Variants in XRCC5 observed in about 807,000 individuals in gnomAD.
XRCC5 encodes the protein DNA repair protein Ku80.
A neutral mutation model predicts 95.7 loss-of-function variants in XRCC5; 12 were observed. The ratio of observed to expected loss-of-function variants is 0.13; its 90% CI spans 0.08 to 0.20. The LOEUF (loss-of-function observed/expected upper bound fraction) is 0.20, where lower values mean the gene tolerates loss of function less well. Among genes scored for constraint, XRCC5 ranks in the 10% least tolerant of loss-of-function variants. The probability of loss-of-function intolerance (pLI) is 1.00; values close to 1 mark genes in which losing one functional copy is unlikely to be tolerated. For missense variants in XRCC5, 595 were observed against 873.9 expected, an observed-to-expected ratio of 0.68 and a Z score of 4.02; for synonymous variants, 281 against 290.3, an observed-to-expected ratio of 0.97 and a Z score of 0.33.
chr2:216,199,810 CTTTTTTTTT>C (rs375975027), intron 19 of XRCC5, among the ~76,000 whole-genome samples: 4 of 120,274 alleles, frequency 3.3e-5, no homozygotes, highest in African/African-American at 9.4e-5. Context: ...GCATTGGGAT[CTTTTTTTTT>C]TTTTTTTTTT....
At chr2:216,130,821 T>C (rs899499973) in intron 8 of XRCC5, 54 bp from the exon 9 acceptor site, 58 of 1,231,378 alleles carry the variant, frequency 4.7e-5, no homozygotes, top group Non-Finnish European at 6.2e-5. Context: ...TAATTTCAGC[T>C]TGTAGAAAAT....
intron 16 of XRCC5, among the ~76,000 whole-genome samples, chr2:216,162,742 T>C (rs564933650): frequency 1.3e-5 from 2 of 152,294 alleles, no homozygotes; most frequent in South Asian, 4.1e-4. Context: ...TCCTAAGAGT[T>C]TGTGGCCCAT....
chr2:216,194,173 A>G (rs545186015), intron 18 of XRCC5, among the ~76,000 whole-genome samples: 3 of 152,378 alleles, frequency 2.0e-5, no homozygotes, highest in East Asian at 3.9e-4. Flanking sequence ...CTTAACGTCC[A>G]TAGGTTCTTG....
At chr2:216,118,868 G>A (rs1696750299) in intron 4 of XRCC5, among the ~76,000 whole-genome samples, 175 bp from the exon 5 acceptor site, 1 of 152,166 alleles carries the variant, frequency 6.6e-6, no homozygotes, top group African/African-American at 2.4e-5. Flanking sequence ...AGTATAAAGT[G>A]TATCAGGGTT....
chr2:216,187,831 T>A (rs1239187502), intron 16 of XRCC5, among the ~76,000 whole-genome samples: 5,557 of 103,522 alleles, frequency 0.054, 165 homozygotes, highest in South Asian at 0.13. Flanking sequence ...ACTCTCTCTC[T>A]CTCTCTCTCT....
At chr2:216,180,980 A>G (rs1279263880) in intron 16 of XRCC5, among the ~76,000 whole-genome samples, 1 of 151,492 alleles carries the variant, frequency 6.6e-6, no homozygotes, top group Non-Finnish European at 1.5e-5. Context: ...CACCCAGCTA[A>G]TTTTGTATTT....
At chr2:216,157,077 A>G (rs1035242907) in intron 14 of XRCC5, among the ~76,000 whole-genome samples, 1 of 152,254 alleles carries the variant, frequency 6.6e-6, no homozygotes, top group African/African-American at 2.4e-5. Flanking sequence ...GACTGAGGAC[A>G]GACAGCACGC....
intron 1 of XRCC5, chr2:216,111,440 C>G (rs1292074600): frequency 6.7e-6 from 3 of 447,422 alleles, no homozygotes; most frequent in African/African-American, 6.1e-5. Context: ...AGCGGGATCA[C>G]TTGAGCCCGG....
intron 20 of XRCC5, 119 bp from the exon 21 acceptor site, chr2:216,205,069 G>T: frequency 2.6e-6 from 3 of 1,176,380 alleles, no homozygotes; most frequent in South Asian, 2.5e-5. Flanking sequence ...GTGAATAAAT[G>T]AGCAAGTACA....
At chr2:216,191,737 G>A (rs1222125251) in intron 17 of XRCC5, among the ~76,000 whole-genome samples, 1 of 152,120 alleles carries the variant, frequency 6.6e-6, no homozygotes, top group Non-Finnish European at 1.5e-5. Context: ...ACTGTAAAAA[G>A]ATTAAGTTTT....
chr2:216,145,262 A>G (rs1266733695), intron 13 of XRCC5, among the ~76,000 whole-genome samples: 1 of 152,214 alleles, frequency 6.6e-6, no homozygotes, highest in Non-Finnish European at 1.5e-5. Context: ...CCTACAGTTA[A>G]GGGTAAATGA....
Position 216,149,295 on chromosome 2 carries a change from T to C in XRCC5, c.1670+1019T>C, listed in dbSNP as rs558756332. The stretch of plus-strand genomic sequence containing the variant: ...GGTTAACATCCAAGCTTTGTCAGAA[T>C]TGAAAAAAAAAATCATGTACTTGGT... On this transcript the variant is annotated intron_variant, in intron 14 of 20. Transcript: ENST00000392132. 4.9e-4 allele frequency among the ~76,000 whole-genome samples: 74 copies of C among 152,134 alleles called. 1 individual carries two copies. Among genetic ancestry groups the C allele is most frequent in the Middle Eastern group, 3.4e-3 (1 of 294 alleles).
chr2:216,132,961 A>G (rs902361653), intron 10 of XRCC5, among the ~76,000 whole-genome samples: 1 of 152,214 alleles, frequency 6.6e-6, no homozygotes, highest in African/African-American at 2.4e-5. Flanking sequence ...GCAATCTACT[A>G]TCTGTTTAAG....
chr2:216,193,233 A>G (rs1166014192), intron 18 of XRCC5, among the ~76,000 whole-genome samples: 1 of 152,148 alleles, frequency 6.6e-6, no homozygotes, highest in East Asian at 1.9e-4. Flanking sequence ...ACAGCAACCA[A>G]TGCAAGTTAA....
intron 16 of XRCC5, among the ~76,000 whole-genome samples, chr2:216,163,133 G>A (rs1688984684): frequency 1.7e-5 from 2 of 117,718 alleles, no homozygotes; most frequent in Non-Finnish European, 3.8e-5. Context: ...GGGAGCAGGG[G>A]AATCACTTTT....
At chr2:216,158,326 T>C (rs539390301) in intron 14 of XRCC5, among the ~76,000 whole-genome samples, 35 of 152,306 alleles carry the variant, frequency 2.3e-4, no homozygotes, top group South Asian at 1.0e-3. Flanking sequence ...AAACTCTAGA[T>C]AGATAAAAAT....
intron 16 of XRCC5, among the ~76,000 whole-genome samples, chr2:216,164,362 A>G (rs745825618): frequency 2.0e-5 from 3 of 152,352 alleles, no homozygotes; most frequent in African/African-American, 4.8e-5. Flanking sequence ...GGTAGCCACT[A>G]GCGGTTTCAT....
intron 6 of XRCC5, among the ~76,000 whole-genome samples, chr2:216,125,045 C>G (rs1272088747): frequency 1.3e-5 from 2 of 152,164 alleles, no homozygotes; most frequent in Admixed American, 1.3e-4. Context: ...CTTGGATAGT[C>G]TTTAACTCTC....
chr2:216,144,210 G>T (rs79635584), intron 13 of XRCC5, among the ~76,000 whole-genome samples: 2,330 of 152,284 alleles, frequency 0.015, 72 homozygotes, highest in African/African-American at 0.054. Flanking sequence ...CGGTGCATGT[G>T]GTAAGGAGGG....
Sources: allele counts gnomAD v4.1 joint callset (sites outside exome capture counted in the v4.1 genomes callset), GRCh38; gene constraint gnomAD v4.1.1; transcripts MANE v1.5; gene names NCBI Gene and HGNC (gene_info 2026-07-23, HGNC 2026-07-21).